ERCC6L2: variants seen among roughly 807,000 people sequenced by gnomAD.
ERCC6L2 encodes the protein DNA excision repair protein ERCC-6-like 2.
Under a neutral mutation model 132.0 loss-of-function variants are expected in ERCC6L2, and 77 were observed. The ratio of observed to expected loss-of-function variants is 0.58; its 90% confidence interval spans 0.49 to 0.71. The LOEUF (loss-of-function observed/expected upper bound fraction) is 0.71, where lower values mean the gene tolerates loss of function less well. ERCC6L2 is among the 30% of genes least tolerant of loss of function. The pLI, the probability that ERCC6L2 is intolerant of heterozygous loss-of-function variation, is 0.00. For missense variants in ERCC6L2, 1,542 were observed against 1,837.6 expected (o/e 0.84, Z 2.94); for synonymous variants, 583 against 632.4 (o/e 0.92, Z 1.17).
At chr9:95,996,956 G>C (rs1833491882) in intron 17 of ERCC6L2, among the ~76,000 whole-genome samples, 1 of 152,158 alleles carries the variant, frequency 6.6e-6, no homozygotes, top group Admixed American at 6.5e-5. Flanking sequence ...TACAGAGCCG[G>C]GCACAGTGGC....
At chr9:95,893,361 T>TAAAC (rs1313769425) in intron 2 of ERCC6L2, among the ~76,000 whole-genome samples, 1 of 152,214 alleles carries the variant, frequency 6.6e-6, no homozygotes, top group Non-Finnish European at 1.5e-5. Context: ...GCTAATATTT[T>TAAAC]GTTTAAGAGT....
chr9:95,915,106 G>A (rs982347049), intron 4 of ERCC6L2, among the ~76,000 whole-genome samples: 23 of 152,118 alleles, frequency 1.5e-4, no homozygotes, highest in African/African-American at 5.1e-4. Context: ...AGATACATCT[G>A]TGCTTTTCGG....
At chr9:96,035,856 A>G (rs965168093) in intron 19 of ERCC6L2, among the ~76,000 whole-genome samples, 2 of 152,188 alleles carry the variant, frequency 1.3e-5, no homozygotes, top group African/African-American at 4.8e-5. Context: ...AGAGTGGAGC[A>G]GCAAACCAGT....
At chr9:96,026,736 C>A (rs1245049442) in intron 19 of ERCC6L2, among the ~76,000 whole-genome samples, 5 of 147,746 alleles carry the variant, frequency 3.4e-5, no homozygotes, top group African/African-American at 1.3e-4. Context: ...ACACACCACA[C>A]CACACACACA....
chr9:95,910,734 G>A (rs1028018622), intron 4 of ERCC6L2, among the ~76,000 whole-genome samples: 14 of 152,112 alleles, frequency 9.2e-5, no homozygotes, highest in African/African-American at 2.9e-4. Context: ...TCAGGTCTGG[G>A]ATTTAATTTT....
intron 16 of ERCC6L2, among the ~76,000 whole-genome samples, chr9:95,974,411 TTAA>T (rs1400500553): frequency 2.0e-5 from 3 of 152,178 alleles, no homozygotes; most frequent in Non-Finnish European, 4.4e-5. Context: ...TTCATTGCAA[TTAA>T]TAATATTATT....
rs1554763606 is a variant in ERCC6L2, at chr9:96,015,026, T to TTTG, written c.*1825_*1826insGTT. On this transcript the variant is annotated 3_prime_UTR_variant, in exon 19 of 19. Coordinates refer to ENST00000653738, the MANE Select transcript of ERCC6L2 (RefSeq NM_020207.7). ...TTCATATATGTACAGTTTTTTTTTT[T>TTTG]TTTTTTTTTTTTTTGAGATTGAGTC... Among the ~76,000 whole-genome samples the TTTG allele has an allele frequency of 2.0e-3, 263 of 128,482 alleles. 5 individuals are homozygous for TTTG. Among genetic ancestry groups the TTTG allele is most frequent in the African/African-American group, 8.0e-3 (257 of 32,096 alleles). The allele number at this position is 128,482 out of a possible 152,430, so 84.3% of individuals were successfully genotyped here.
At chr9:95,945,422 C>A (rs1301417191) in intron 12 of ERCC6L2, among the ~76,000 whole-genome samples, 4 of 152,112 alleles carry the variant, frequency 2.6e-5, no homozygotes, top group Non-Finnish European at 5.9e-5. Context: ...ACAATTTGTG[C>A]AGTTAACGCA....
At position 95,881,070 on chromosome 9, in the gene ERCC6L2, T is replaced by C. The variant is rs745683669; in HGVS notation, c.248T>C (p.Ile83Thr). ...GTTAAAGATTGCCCTAGGAATCTTA[T>C]ATTTGATGATGAAGATTTAGAAAAA... ...KFVKDCPRNL[I>T]FDDEDLEKPY... Residue 83 changes from isoleucine (I) to threonine (T), a missense_variant, in exon 2 of 19, where the codon ATA becomes ACA. Coordinates refer to ENST00000653738, the MANE Select transcript of ERCC6L2 (RefSeq NM_020207.7). 5 of 1,613,212 alleles carry C rather than the reference T, an allele frequency of 3.1e-6. No individual in the cohort carries two copies. The highest frequency in any genetic ancestry group is 2.2e-5 in the East Asian group (1 of 44,864).
chr9:95,944,641 A>G (rs892695501), intron 12 of ERCC6L2, among the ~76,000 whole-genome samples: 2 of 150,998 alleles, frequency 1.3e-5, no homozygotes, highest in African/African-American at 2.4e-5. Flanking sequence ...TCAGCCAGAT[A>G]TCGGGCGAAA....
chr9:95,942,995 C>G (rs553858187), intron 12 of ERCC6L2, among the ~76,000 whole-genome samples: 1 of 152,170 alleles, frequency 6.6e-6, no homozygotes, highest in African/African-American at 2.4e-5. Context: ...CTTTGAAGAA[C>G]ATACATTTCA....
At chr9:95,925,302 C>G (rs1358925775) in intron 9 of ERCC6L2, among the ~76,000 whole-genome samples, 1 of 152,094 alleles carries the variant, frequency 6.6e-6, no homozygotes, top group Non-Finnish European at 1.5e-5. Flanking sequence ...TGAGAAATGC[C>G]GCAGAGCCAC....
chr9:95,882,195 G>A (rs1047745435), intron 2 of ERCC6L2, among the ~76,000 whole-genome samples: 1 of 152,246 alleles, frequency 6.6e-6, no homozygotes, highest in Admixed American at 6.5e-5. Context: ...GACAGCACTA[G>A]TAAAACAGAA....
intron 3 of ERCC6L2, chr9:95,906,702 C>A (rs1367065445): frequency 4.4e-6 from 2 of 459,586 alleles, no homozygotes; most frequent in Admixed American, 4.7e-5. Flanking sequence ...GAACACGTGG[C>A]CTGCTTGTGT....
At chr9:95,933,822 C>T (rs922675501) in intron 11 of ERCC6L2, among the ~76,000 whole-genome samples, 1 of 110,524 alleles carries the variant, frequency 9.0e-6, no homozygotes, top group African/African-American at 3.6e-5. Context: ...CCATCCTGGA[C>T]AAGACAGAGC....
Position 96,002,092 on chromosome 9 carries a change from G to A in ERCC6L2, c.3493-2428G>A, listed in dbSNP as rs113578860. Reference sequence around the variant, plus strand: ...CCACACACAGCCCCGGTTCCCGCGCGTGCCTCTCCCTCCACACCTCCCTGC... The same window carrying A: ...CCACACACAGCCCCGGTTCCCGCGCATGCCTCTCCCTCCACACCTCCCTGC... On this transcript the variant is annotated intron_variant, in intron 17 of 18. Transcript: ENST00000653738. 6.8e-3 allele frequency among the ~76,000 whole-genome samples: 1,039 copies of A among 152,314 alleles called. 15 individuals carry two copies. Among genetic ancestry groups the A allele is most frequent in the African/African-American group, 0.024 (993 of 41,576 alleles).
chr9:95,907,857 C>CA lies in ERCC6L2; in HGVS notation c.788+586_788+587insA. On this transcript the variant is annotated intron_variant, in intron 4 of 18. Transcript: ENST00000653738. ...CACACACACACACACACACACACAC[C>CA]CCCACACCCACACACCCACTGTAGC... Among the ~76,000 whole-genome samples, 209 of 133,810 alleles carry CA rather than the reference C, an allele frequency of 1.6e-3. 2 individuals carry two copies. Among genetic ancestry groups the CA allele is most frequent in the South Asian group, 6.2e-3 (25 of 4,020 alleles). The allele number at this position is 133,810 out of a possible 152,430, so 87.8% of individuals were successfully genotyped here. A position where few individuals can be genotyped will look rare whatever the true frequency, so the allele number is the denominator to read the frequency against.
rs577373858 is a variant in ERCC6L2 at position 96,030,745 on chromosome 9, C to T, written c.*1504-8131C>T. ...AGCTGTAACACTCACCGCGAAGGTACGTGGCTCCAGCGACGCCACGAACCC... is the reference window on the plus strand; with the variant it reads ...AGCTGTAACACTCACCGCGAAGGTATGTGGCTCCAGCGACGCCACGAACCC... On this transcript the variant is annotated intron_variant and NMD_transcript_variant, in intron 19 of 20. Transcript: ENST00000670016. Among the ~76,000 whole-genome samples the T allele has an allele frequency of 5.3e-5, 8 of 150,758 alleles. No individual in the cohort carries two copies. In the East Asian group the frequency reaches 1.4e-3, roughly 26 times the overall value.
chr9:95,946,190 A>G (rs1256595305), intron 12 of ERCC6L2, among the ~76,000 whole-genome samples: 1 of 152,166 alleles, frequency 6.6e-6, no homozygotes, highest in Admixed American at 6.5e-5. Context: ...TGAGAAACAG[A>G]CAAATCCACA....
Sources: allele counts gnomAD v4.1 joint callset (sites outside exome capture counted in the v4.1 genomes callset), GRCh38; gene constraint gnomAD v4.1.1; transcripts MANE v1.5; gene names NCBI Gene and HGNC (gene_info 2026-07-23, HGNC 2026-07-21).